NAALADL2: variants seen among roughly 807,000 people sequenced by gnomAD.
NAALADL2 encodes the protein inactive N-acetylated-alpha-linked acidic dipeptidase-like protein 2.
NAALADL2 carries 76 observed loss-of-function variants against 87.2 expected under a neutral mutation model. That is an observed-to-expected ratio of 0.87 (90% CI 0.72 to 1.05). NAALADL2 has a LOEUF of 1.05. Among genes scored for constraint, NAALADL2 ranks in the 50% least tolerant of loss-of-function variants. The pLI is 0.00. For synonymous variants in NAALADL2, 354 were observed against 331.0 expected, an observed-to-expected ratio of 1.07 and a Z score of -0.75; for missense variants, 1,089 against 945.8, an observed-to-expected ratio of 1.15 and a Z score of -1.99.
intron 2 of NAALADL2, among the ~76,000 whole-genome samples, chr3:174,729,759 AAATT>A (rs1289401770): frequency 1.3e-5 from 2 of 152,008 alleles, no homozygotes; most frequent in African/African-American, 4.8e-5. Flanking sequence ...GTTTTGAAAA[AAATT>A]AAAAGAATGA....
chr3:175,224,471 A>G (rs1275096843), intron 2 of NAALADL2, among the ~76,000 whole-genome samples: 1 of 152,152 alleles, frequency 6.6e-6, no homozygotes, highest in Non-Finnish European at 1.5e-5. Flanking sequence ...AAGATCATCT[A>G]GCTTTTATGC....
chr3:174,684,332 ATAAG>A (rs751888661), intron 2 of NAALADL2, among the ~76,000 whole-genome samples: 5 of 152,258 alleles, frequency 3.3e-5, no homozygotes, highest in East Asian at 1.9e-4. Context: ...TATTAAAAGA[ATAAG>A]TAACCATAAA....
At chr3:175,335,855 G>A (rs913241579) in intron 5 of NAALADL2, among the ~76,000 whole-genome samples, 9 of 152,168 alleles carry the variant, frequency 5.9e-5, no homozygotes, top group African/African-American at 1.7e-4. Context: ...AAGTGTTAGA[G>A]TTGAAGAGTA....
intron 1 of NAALADL2, among the ~76,000 whole-genome samples, chr3:174,999,828 TAAAC>T (rs1747995168): frequency 6.6e-6 from 1 of 152,264 alleles, no homozygotes; most frequent in Non-Finnish European, 1.5e-5. Flanking sequence ...TAAACATAGA[TAAAC>T]ATATATATAA....
chr3:174,653,938 A>G (rs528731164), intron 2 of NAALADL2, among the ~76,000 whole-genome samples: 72 of 152,224 alleles, frequency 4.7e-4, no homozygotes, highest in African/African-American at 1.7e-3. Flanking sequence ...TGAGAAATGC[A>G]TTGAAAACAC....
intron 1 of NAALADL2, among the ~76,000 whole-genome samples, chr3:174,931,377 T>G (rs1426358125): frequency 3.3e-5 from 5 of 152,184 alleles, no homozygotes; most frequent in Admixed American, 3.3e-4. Context: ...ACATAACTGC[T>G]CTGTCTCACT....
intron 12 of NAALADL2, among the ~76,000 whole-genome samples, chr3:175,744,544 T>C (rs1056757728): frequency 5.3e-5 from 8 of 152,212 alleles, no homozygotes; most frequent in Non-Finnish European, 1.2e-4. Flanking sequence ...AAAATATTAT[T>C]TTACCATGTC....
rs1251815216 is a variant in NAALADL2 at position 174,902,793 on chromosome 3, G to A, written c.43+43343G>A. On this transcript the variant is annotated intron_variant, in intron 1 of 13. Transcript: ENST00000454872. ...AAGTATACTCAAGGAGGGCGGCACT[G>A]ATGGTAATTTTTCCAAAGGCATTAT... is the stretch of plus-strand genomic sequence containing the variant. Among the ~76,000 whole-genome samples, 2 of 152,066 alleles carry A rather than the reference G, an allele frequency of 1.3e-5. 1 individual carries two copies. Among genetic ancestry groups the A allele is most frequent in the Non-Finnish European group, 2.9e-5 (2 of 67,998 alleles).
chr3:175,493,058 T>C (rs149090633), intron 9 of NAALADL2, among the ~76,000 whole-genome samples: 40 of 152,224 alleles, frequency 2.6e-4, no homozygotes, highest in African/African-American at 4.6e-4. Context: ...TATCTTTCTG[T>C]ATATTTATAT....
intron 3 of NAALADL2, among the ~76,000 whole-genome samples, chr3:174,775,081 T>C (rs1715043408): frequency 6.6e-6 from 1 of 152,094 alleles, no homozygotes; most frequent in African/African-American, 2.4e-5. Flanking sequence ...AATAGGAAAG[T>C]ATACATAAAA....
At chr3:175,149,661 T>C (rs1379294763) in intron 2 of NAALADL2, among the ~76,000 whole-genome samples, 2 of 152,198 alleles carry the variant, frequency 1.3e-5, no homozygotes, top group Non-Finnish European at 2.9e-5. Flanking sequence ...TTCCTACTTT[T>C]AGTAGTGATA....
At chr3:174,678,661 A>G (rs1272209115) in intron 2 of NAALADL2, among the ~76,000 whole-genome samples, 1 of 152,162 alleles carries the variant, frequency 6.6e-6, no homozygotes, top group African/African-American at 2.4e-5. Flanking sequence ...AGCCTGTGAA[A>G]ATGTTTTACT....
intron 1 of NAALADL2, among the ~76,000 whole-genome samples, chr3:174,516,750 A>G (rs534571275): frequency 6.6e-6 from 1 of 152,156 alleles, no homozygotes; most frequent in East Asian, 1.9e-4. Flanking sequence ...TCTCTGATAT[A>G]TAGTACTGTT....
At chr3:175,348,975 G>T (rs578064050) in intron 5 of NAALADL2, among the ~76,000 whole-genome samples, 7 of 152,176 alleles carry the variant, frequency 4.6e-5, no homozygotes, top group African/African-American at 1.7e-4. Flanking sequence ...TTACCAAATG[G>T]ATACTTATTC....
chr3:174,729,410 G>C (rs1732495977), intron 2 of NAALADL2, among the ~76,000 whole-genome samples: 1 of 152,042 alleles, frequency 6.6e-6, no homozygotes, highest in Non-Finnish European at 1.5e-5. Context: ...CACACTGTTA[G>C]TAAGTAGCAA....
intron 9 of NAALADL2, among the ~76,000 whole-genome samples, chr3:175,570,963 G>T (rs1223888086): frequency 1.3e-5 from 2 of 150,592 alleles, no homozygotes; most frequent in Non-Finnish European, 3.0e-5. Context: ...CACTTTTCTT[G>T]CTGTTTAAGT....
rs1329259722 is a variant in NAALADL2, at chr3:174,686,331, GTTAT to G, written c.-114-51299_-114-51296del. 6.6e-5 allele frequency among the ~76,000 whole-genome samples: 10 copies of G among 152,056 alleles called. No homozygotes were observed. The East Asian group carries it at 9.7e-4, about 15-fold the overall frequency. ...TTTCTCCACAACCTTGGCAGCATCTGTTATTTATTTATTTTCATTTTCAAAAGAG... is the reference window on the plus strand; with the variant it reads ...TTTCTCCACAACCTTGGCAGCATCTGTTATTTATTTTCATTTTCAAAAGAG... On this transcript the variant is annotated intron_variant, in intron 2 of 3. Coordinates refer to the NAALADL2 transcript ENST00000434257.
Position 174,698,721 on chromosome 3 carries a change from G to A in NAALADL2, c.-114-38920G>A, listed in dbSNP as rs1329066281. ...CTACTAAAAATACAAAAAATTAGCC[G>A]GGCGTAGTGGCGGGCGCCTTTAGTC... is the stretch of plus-strand genomic sequence containing the variant. On this transcript the variant is annotated intron_variant, in intron 2 of 3. Coordinates refer to the NAALADL2 transcript ENST00000434257. Among the ~76,000 whole-genome samples the A allele has an allele frequency of 3.7e-5, 5 of 134,438 alleles. 1 individual carries two copies. The highest frequency in any genetic ancestry group is 7.5e-5 in the Non-Finnish European group (5 of 66,926). The allele number at this position is 134,438 out of a possible 152,430, so 88.2% of individuals were successfully genotyped here.
intron 11 of NAALADL2, among the ~76,000 whole-genome samples, chr3:175,700,380 T>C (rs558301093): frequency 2.6e-5 from 4 of 152,212 alleles, no homozygotes; most frequent in Admixed American, 1.3e-4. Flanking sequence ...TAAAACCTTA[T>C]ATATTCAGAG....
Sources: gnomAD v4.1 joint callset for allele counts (sites outside exome capture counted in the v4.1 genomes callset) on GRCh38, gnomAD v4.1.1 for gene constraint, MANE v1.5 for transcripts, NCBI Gene and HGNC (gene_info 2026-07-23, HGNC 2026-07-21) for gene names.